CPVL: variants seen among roughly 807,000 people sequenced by gnomAD.
CPVL encodes the protein probable serine carboxypeptidase CPVL.
A neutral mutation model predicts 63.7 loss-of-function variants in CPVL; 51 were observed. The ratio of observed to expected loss-of-function variants is 0.80; its 90% confidence interval spans 0.64 to 1.01. The LOEUF (loss-of-function observed/expected upper bound fraction) is 1.01. Ranked by LOEUF, CPVL falls within the 50% of genes least tolerant of loss-of-function variation. The probability of loss-of-function intolerance (pLI) is 0.00; values close to 1 mark genes in which losing one functional copy is unlikely to be tolerated. For synonymous variants in CPVL, 195 were observed against 206.0 expected, an observed-to-expected ratio of 0.95 and a Z score of 0.46; for missense variants, 530 against 573.1, an observed-to-expected ratio of 0.92 and a Z score of 0.77.
chr7:29,071,717 TC>T, intron 9 of CPVL, 55 bp downstream of exon 9: 4 of 341,398 alleles, frequency 1.2e-5, no homozygotes, highest in Non-Finnish European at 2.0e-5. Context: ...TCACCCGCCC[TC>T]CCTCCCCAGA....
chr7:29,092,481 A>C (rs1407599139), intron 6 of CPVL, 142 bp downstream of exon 6: 11 of 616,566 alleles, frequency 1.8e-5, no homozygotes, highest in Admixed American at 2.9e-5. Flanking sequence ...GTGTGTGTGG[A>C]TGTGAAAATA....
rs886661473 is a variant in CPVL, at chr7:29,076,089, C to A, written c.610-3666G>T. On this transcript the variant is annotated intron_variant, in intron 7 of 12. Transcript: ENST00000265394. ...AATAAATCAAGTGTGTTTTATTTTA[C>A]CTCATTTGCCTTTTCCTGTATATAT... 6.0e-5 allele frequency among the ~76,000 whole-genome samples: 9 copies of A among 148,862 alleles called. No homozygotes were observed. The East Asian group carries it at 1.8e-3, about 30-fold the overall frequency.
chr7:29,023,322 G>C (rs185690075), intron 12 of CPVL, among the ~76,000 whole-genome samples: 1 of 152,284 alleles, frequency 6.6e-6, no homozygotes, highest in Admixed American at 6.5e-5. Context: ...AGAAGCAAAG[G>C]CCCATCTTAT....
At chr7:29,157,949 G>A (rs1794645378) in intron 5 of CPVL, among the ~76,000 whole-genome samples, 1 of 152,118 alleles carries the variant, frequency 6.6e-6, no homozygotes, top group African/African-American at 2.4e-5. Flanking sequence ...TCTCATTTGT[G>A]ATTCCACTCC....
intron 3 of CPVL, among the ~76,000 whole-genome samples, chr7:29,096,862 G>T (rs1461438054): frequency 2.0e-5 from 3 of 151,898 alleles, no homozygotes; most frequent in Non-Finnish European, 4.4e-5. Context: ...GCACATGCCT[G>T]TAATCCGAGC....
chr7:29,023,808 C>T (rs952929441), intron 12 of CPVL, among the ~76,000 whole-genome samples: 1 of 152,210 alleles, frequency 6.6e-6, no homozygotes, highest in Non-Finnish European at 1.5e-5. Flanking sequence ...AAGTGCCCTA[C>T]ACAACCAACC....
At chr7:29,182,851 G>A (rs150648348) in intron 4 of CPVL, among the ~76,000 whole-genome samples, 27 of 152,246 alleles carry the variant, frequency 1.8e-4, no homozygotes, top group East Asian at 1.4e-3. Context: ...TGTTAATCCC[G>A]TTTTTGCCCT....
intron 11 of CPVL, among the ~76,000 whole-genome samples, chr7:29,061,394 C>T (rs1791264829): frequency 6.6e-6 from 1 of 152,028 alleles, no homozygotes; most frequent in Non-Finnish European, 1.5e-5. Flanking sequence ...GCCTGAGCAA[C>T]AGAGTGAAAC....
intron 5 of CPVL, among the ~76,000 whole-genome samples, chr7:29,171,466 A>T (rs1364954460): frequency 2.6e-5 from 4 of 152,194 alleles, no homozygotes; most frequent in Non-Finnish European, 5.9e-5. Context: ...GTAAACTAAT[A>T]GGGTGGGGAT....
At chr7:29,093,826 G>A (rs1786107468) in intron 5 of CPVL, among the ~76,000 whole-genome samples, 1 of 152,184 alleles carries the variant, frequency 6.6e-6, no homozygotes, top group Admixed American at 6.5e-5. Context: ...GGGGGAAAGA[G>A]CATGTTGACA....
At chr7:29,069,455 A>G (rs1213379662) in intron 9 of CPVL, among the ~76,000 whole-genome samples, 4 of 151,898 alleles carry the variant, frequency 2.6e-5, no homozygotes, top group African/African-American at 7.3e-5. Context: ...AAAAAAAAAA[A>G]AAAAAGAAAA....
intron 5 of CPVL, among the ~76,000 whole-genome samples, chr7:29,178,939 A>G (rs1398466037): frequency 6.6e-6 from 1 of 152,220 alleles, no homozygotes; most frequent in Non-Finnish European, 1.5e-5. Context: ...ACACCATTTA[A>G]GGGACATTAT....
intron 11 of CPVL, among the ~76,000 whole-genome samples, chr7:29,040,527 C>T (rs1162019058): frequency 1.3e-5 from 2 of 152,154 alleles, no homozygotes; most frequent in Non-Finnish European, 2.9e-5. Context: ...GCCTGAGTCC[C>T]CAAGGCCTGC....
At chr7:29,038,102 C>A (rs528701066) in intron 11 of CPVL, among the ~76,000 whole-genome samples, 2 of 152,292 alleles carry the variant, frequency 1.3e-5, no homozygotes, top group East Asian at 3.9e-4. Context: ...ATTCAGCATG[C>A]AGATGTATTT....
At chr7:29,044,720 C>T (rs991126454) in intron 11 of CPVL, among the ~76,000 whole-genome samples, 2 of 152,178 alleles carry the variant, frequency 1.3e-5, no homozygotes, top group Admixed American at 6.5e-5. Flanking sequence ...CACCCTTTCT[C>T]GATTTGTCTT....
chr7:29,093,432 T>C (rs56379178), intron 5 of CPVL, among the ~76,000 whole-genome samples: 21,231 of 150,984 alleles, frequency 0.14, 1,960 homozygotes, highest in East Asian at 0.37. Context: ...AAAAAGGTAG[T>C]TGTACATTGT....
intron 3 of CPVL, among the ~76,000 whole-genome samples, chr7:29,103,237 ATTG>A (rs1399177439): frequency 2.6e-4 from 29 of 110,426 alleles, no homozygotes; most frequent in African/African-American, 8.7e-4. Context: ...AAGAAACATA[ATTG>A]TTGTTTTGTT....
chr7:29,038,766 A>G (rs1342791430), intron 11 of CPVL, among the ~76,000 whole-genome samples: 1 of 152,344 alleles, frequency 6.6e-6, no homozygotes, highest in East Asian at 1.9e-4. Context: ...GTAGGTCTCA[A>G]TCCAACACTA....
chr7:29,072,228 G>A, intron 8 of CPVL, 73 bp downstream of exon 8: 1 of 1,528,924 alleles, frequency 6.5e-7, no homozygotes, highest in South Asian at 1.2e-5. Context: ...CCTCTAAGAG[G>A]AGCCTTCCAT....
Sources: gnomAD v4.1 joint callset for allele counts (sites outside exome capture counted in the v4.1 genomes callset) on GRCh38, gnomAD v4.1.1 for gene constraint, MANE v1.5 for transcripts, NCBI Gene and HGNC (gene_info 2026-07-23, HGNC 2026-07-21) for gene names.